Variants in NLRP10 observed in about 807,000 individuals in gnomAD.
The protein encoded by NLRP10 is NACHT, LRR and PYD domains-containing protein 10.
NLRP10 carries 7 observed loss-of-function variants against 8.2 expected under a neutral mutation model. That is an observed-to-expected ratio of 0.85 (90% CI 0.48 to 1.60). The LOEUF is 1.60. Ranked by LOEUF, NLRP10 falls within the 40% of genes most tolerant of loss-of-function variation. The pLI is 0.00. For missense variants in NLRP10, 814 were observed against 776.3 expected (o/e 1.05, Z -0.58); for synonymous variants, 338 against 314.0 (o/e 1.08, Z -0.81).
rs545078108 is a variant in NLRP10 at position 7,959,006 on chromosome 11, A to G, written c.*638T>C. On this transcript the variant is annotated 3_prime_UTR_variant, in exon 3 of 3. Coordinates refer to ENST00000691676, the MANE Select transcript of NLRP10 (RefSeq NM_001391958.1). Reference sequence around the variant, plus strand: ...ATGAAGCCAACTAATTCTTTTTTTAATGATTCATGCTTTTGCTGTTATATC... The same window carrying G: ...ATGAAGCCAACTAATTCTTTTTTTAGTGATTCATGCTTTTGCTGTTATATC... Among the ~76,000 whole-genome samples the G allele has an allele frequency of 6.6e-6, 1 of 152,192 alleles. No individual in the cohort carries two copies. Among genetic ancestry groups the G allele is most frequent in the South Asian group, 2.1e-4 (1 of 4,830 alleles).
chr11:7,963,248 AG>A lies in NLRP10; in HGVS notation c.247del (p.Leu83CysfsTer27). 6.2e-7 allele frequency: 1 copy of A among 1,614,218 alleles called. No individual in the cohort carries two copies. Among genetic ancestry groups the A allele is most frequent in the East Asian group, 2.2e-5 (1 of 44,872 alleles). On this transcript the variant is annotated frameshift_variant, in exon 2 of 3. Transcript: ENST00000691676. LOFTEE classifies it low-confidence loss of function (END_TRUNC). ...GCTGAGCTGGTCCACAAGTTCCAAC[AG>A]GTTCATGACCTTCAAGCCCTTGAGG... ...VVLKGLKVMN[L>X]LELVDQLSHI...
In NLRP10 at chr11:7,960,254, T is replaced by C. The variant is rs1347873535; in HGVS notation, c.1358A>G (p.Gln453Arg). 1 of 1,614,168 alleles carries C rather than the reference T, an allele frequency of 6.2e-7. No individual in the cohort carries two copies. Among genetic ancestry groups the C allele is most frequent in the Admixed American group, 1.7e-5 (1 of 60,024 alleles). ...LAAFLSSNDYQLGLAIKKFYS... is the reference protein window; with the variant it reads ...LAAFLSSNDYRLGLAIKKFYS... ...GAACTTCTTGATGGCAAGTCCCAAT[T>C]GGTAGTCGTTACTACTCAGGAAAGC... The change falls in exon 3 of 3, where the codon CAA becomes CGA. Residue 453 changes from glutamine to arginine, a missense_variant. By Grantham distance (43) the Gln-to-Arg change is conservative (BLOSUM62 1). Coordinates refer to ENST00000691676, the MANE Select transcript of NLRP10 (RefSeq NM_001391958.1).
intron 2 of NLRP10, among the ~76,000 whole-genome samples, chr11:7,962,392 T>C (rs1941748082): frequency 6.6e-6 from 1 of 151,900 alleles, no homozygotes; most frequent in Non-Finnish European, 1.5e-5. Flanking sequence ...CACGCCACCA[T>C]GCCCGGCTAA....
chr11:7,960,447 C>A lies in NLRP10; in HGVS notation c.1165G>T (p.Val389Phe). 1 of 1,614,046 alleles carries A rather than the reference C, an allele frequency of 6.2e-7. No homozygotes were observed. The change falls in exon 3 of 3, where the codon GTC becomes TTC. Residue 389 changes from valine to phenylalanine, a missense_variant. Coordinates refer to ENST00000691676, the MANE Select transcript of NLRP10 (RefSeq NM_001391958.1). ...RNSTDIFMAY[V>F]STFLPPDDDG... ...TCATCGGGCGGCAGAAAGGTGGAGA[C>A]GTAAGCCATGAAGATGTCAGTGCTG...
chr11:7,959,240 G>C lies in NLRP10; in HGVS notation c.*404C>G, dbSNP rs563480137. On this transcript the variant is annotated 3_prime_UTR_variant, in exon 3 of 3. Transcript: ENST00000691676. ...TCTAAGATCAATTGACCATTTTTGT[G>C]TAGGTTTGTTTCTGGTTCTCTATTC... is the stretch of plus-strand genomic sequence containing the variant. Among the ~76,000 whole-genome samples, 1 of 152,226 alleles carries C rather than the reference G, an allele frequency of 6.6e-6. No homozygotes were observed. Among genetic ancestry groups the C allele is most frequent in the Non-Finnish European group, 1.5e-5 (1 of 68,002 alleles).
rs759502711 is a variant in NLRP10 at position 7,963,485 on chromosome 11, G to C, written c.11C>G (p.Ala4Gly). 16 of 1,610,646 alleles carry C rather than the reference G, an allele frequency of 9.9e-6. No homozygotes were observed. The highest frequency in any genetic ancestry group is 3.4e-4 in the Middle Eastern group (2 of 5,856). The change falls in exon 2 of 3, where the codon GCC becomes GGC. Residue 4 changes from alanine (A) to glycine (G), a missense_variant. By Grantham distance (60) the Ala-to-Gly change is moderately conservative. Transcript: ENST00000691676. The stretch of plus-strand genomic sequence containing the variant: ...TGCCTCCCGGGGCTTTCTGGCCTTG[G>C]CCATGGCCATGGTGATCTGGGGGAA... MAM[A>G]KARKPREALL...
At chr11:7,964,757 G>T (rs1362394072) in intron 1 of NLRP10, among the ~76,000 whole-genome samples, 1 of 152,212 alleles carries the variant, frequency 6.6e-6, no homozygotes, top group African/African-American at 2.4e-5. Flanking sequence ...TAACGGGAAA[G>T]GAGAGCAGAG....
intron 1 of NLRP10, chr11:7,963,773 A>C: frequency 3.0e-6 from 1 of 334,440 alleles, no homozygotes; most frequent in South Asian, 5.4e-5. Context: ...TAGGTGTGTT[A>C]ATCTCTCAAT....
In NLRP10 at chr11:7,959,938, G is replaced by A. The variant is rs1941683417; in HGVS notation, c.1674C>T (p.Asn558=). 3.7e-6 allele frequency: 6 copies of A among 1,614,140 alleles called. No homozygotes were observed. The highest frequency in any genetic ancestry group is 5.1e-6 in the Non-Finnish European group (6 of 1,180,016). Residue 558 remains asparagine, a synonymous_variant, in exon 3 of 3, where the codon AAC becomes AAT. Coordinates refer to ENST00000691676, the MANE Select transcript of NLRP10 (RefSeq NM_001391958.1). ...FKEQMESMKH[N]RTWDLEFSLY... is the part of the protein sequence containing the mutation. ...GGGAGAATTCCAAATCCCAGGTCCT[G>A]TTGTGCTTCATAGATTCCATCTGTT...
Position 7,958,637 on chromosome 11 carries a change from C to T in NLRP10, c.*1007G>A, listed in dbSNP as rs1941661990. ...CGATCTCAGCTCACTGCAACCTCCG[C>T]CTCCCAGATTCAAGCAATTCTCCTG... On this transcript the variant is annotated 3_prime_UTR_variant, in exon 3 of 3. Coordinates refer to ENST00000691676, the MANE Select transcript of NLRP10 (RefSeq NM_001391958.1). Among the ~76,000 whole-genome samples the T allele has an allele frequency of 1.3e-5, 2 of 152,014 alleles. No homozygotes were observed. The highest frequency in any genetic ancestry group is 1.3e-4 in the Admixed American group (2 of 15,262).
chr11:7,960,784 A>G lies in NLRP10; in HGVS notation c.828T>C (p.Leu276=). The change falls in exon 3 of 3, where the codon CTT becomes CTC. Residue 276 remains leucine (L), a synonymous_variant. Coordinates refer to ENST00000691676, the MANE Select transcript of NLRP10 (RefSeq NM_001391958.1). ...GLSPKESLLH[L]LIRRHTLPTC... ...TGGGGAGTGTATGTCTCCTAATTAG[A>G]AGGTGCAGCAGGCTCTCCTTGGGAC... 1 of 1,614,076 alleles carries G rather than the reference A, an allele frequency of 6.2e-7. No homozygotes were observed. The highest frequency in any genetic ancestry group is 8.5e-7 in the Non-Finnish European group (1 of 1,180,012).
At chr11:7,962,792 C>G (rs10839953) in intron 2 of NLRP10, among the ~76,000 whole-genome samples, 54,061 of 151,758 alleles carry the variant, frequency 0.36, 9,862 homozygotes, top group African/African-American at 0.42. Context: ...GAGATCAGGG[C>G]CACAGAAGAC....
intron 1 of NLRP10, 141 bp from the exon 2 acceptor site, chr11:7,963,681 C>T (rs1223430554): frequency 1.7e-6 from 1 of 591,252 alleles, no homozygotes; most frequent in African/African-American, 1.9e-5. Context: ...AGATGAAACG[C>T]AGGGGAATTT....
rs1266494490 is a variant in NLRP10, at chr11:7,961,166, G to A, written c.446C>T (p.Ser149Phe). The A allele has an allele frequency of 1.2e-6, 2 of 1,613,966 alleles. No individual in the cohort carries two copies. The highest frequency in any genetic ancestry group is 1.7e-6 in the Non-Finnish European group (2 of 1,179,994). Residue 149 changes from serine (S) to phenylalanine (F), a missense_variant, in exon 3 of 3, where the codon TCT becomes TTT. By Grantham distance (155) the Ser-to-Phe change is radical. Coordinates refer to ENST00000691676, the MANE Select transcript of NLRP10 (RefSeq NM_001391958.1). The stretch of plus-strand genomic sequence containing the variant: ...ATCAAATAGAGCCTCCACCGTGACA[G>A]ACTCCAGCTCCTGCTCCGGGAAGGG... ...ACPFPEQELE[S>F]VTVEALFDSG... is the part of the protein sequence containing the mutation.
At position 7,963,471 on chromosome 11, in the gene NLRP10, G is replaced by T. The variant is rs748792341; in HGVS notation, c.25C>A (p.Pro9Thr). The T allele has an allele frequency of 1.0e-4, 167 of 1,613,214 alleles. 2 individuals are homozygous for T. In the East Asian group the frequency reaches 3.6e-3, roughly 35 times the overall value. ...AAGGCCCAGAGCAATGCCTCCCGGG[G>T]CTTTCTGGCCTTGGCCATGGCCATG... MAMAKARK[P>T]REALLWALSD... The change falls in exon 2 of 3, where the codon CCC becomes ACC. Residue 9 changes from proline (P) to threonine (T), a missense_variant. By Grantham distance (38) the Pro-to-Thr change is conservative (BLOSUM62 -1). Coordinates refer to ENST00000691676, the MANE Select transcript of NLRP10 (RefSeq NM_001391958.1).
rs1326258525 is a variant in NLRP10 at position 7,960,071 on chromosome 11, A to G, written c.1541T>C (p.Met514Thr). The change falls in exon 3 of 3, where the codon ATG (methionine) becomes ACG (threonine). Residue 514 changes from methionine (M) to threonine (T), a missense_variant. Coordinates refer to ENST00000691676, the MANE Select transcript of NLRP10 (RefSeq NM_001391958.1). ...QEGNDEMTLT[M>T]QFLLDISKKD... ...TTTCGAGATGTCCAGTAAAAACTGCATAGTGAGGGTCATCTCATCATTCCC... is the reference window on the plus strand; with the variant it reads ...TTTCGAGATGTCCAGTAAAAACTGCGTAGTGAGGGTCATCTCATCATTCCC... The G allele has an allele frequency of 2.5e-6, 4 of 1,614,162 alleles. No individual in the cohort carries two copies. Among genetic ancestry groups the G allele is most frequent in the South Asian group, 2.2e-5 (2 of 91,084 alleles).
chr11:7,963,862 C>A (rs56007848), intron 1 of NLRP10, among the ~76,000 whole-genome samples: 43,831 of 150,494 alleles, frequency 0.29, 6,702 homozygotes, highest in Non-Finnish European at 0.34. Flanking sequence ...TCAACACGTT[C>A]TTTATTAGGC....
rs1389596606 is a variant in NLRP10, at chr11:7,963,268, C to G, written c.228G>C (p.Lys76Asn). ...GEKEAVKVVL[K>N]GLKVMNLLEL... ...CCAACAGGTTCATGACCTTCAAGCC[C>G]TTGAGGACAACTTTCACAGCCTCCT... The change falls in exon 2 of 3, where the codon AAG becomes AAC. Residue 76 changes from lysine to asparagine, a missense_variant. Transcript: ENST00000691676. 1 of 1,614,236 alleles carries G rather than the reference C, an allele frequency of 6.2e-7. No individual in the cohort carries two copies. The highest frequency in any genetic ancestry group is 8.5e-7 in the Non-Finnish European group (1 of 1,180,038).
chr11:7,961,621 G>C (rs9919613), intron 2 of NLRP10, among the ~76,000 whole-genome samples: 55,794 of 152,008 alleles, frequency 0.37, 10,457 homozygotes, highest in African/African-American at 0.42. Flanking sequence ...TACTGTTGTG[G>C]AGGGAAGTCA....
Sources: allele counts gnomAD v4.1 joint callset (sites outside exome capture counted in the v4.1 genomes callset), GRCh38; gene constraint gnomAD v4.1.1; transcripts MANE v1.5; gene names NCBI Gene and HGNC (gene_info 2026-07-23, HGNC 2026-07-21).